The following KCNC2 variants were observed in gnomAD, a reference collection of about 807,000 sequenced individuals.
KCNC2 encodes potassium voltage-gated channel subfamily C member 2, also known as voltage-gated potassium channel KCNC2.
Under a neutral mutation model 44.5 loss-of-function variants are expected in KCNC2, and 21 were observed. The observed-to-expected ratio is 0.47, with a 90% confidence interval of 0.33 to 0.68. KCNC2 has a LOEUF of 0.68. Among genes scored for constraint, KCNC2 ranks in the 30% least tolerant of loss-of-function variants. KCNC2 has a pLI of 0.01. For synonymous variants in KCNC2, 391 were observed against 339.1 expected (o/e 1.15, Z -1.68); for missense variants, 589 against 826.2 (o/e 0.71, Z 3.52).
intron 2 of KCNC2, among the ~76,000 whole-genome samples, chr12:75,084,256 A>G (rs1454096383): frequency 2.0e-5 from 2 of 98,484 alleles, no homozygotes; most frequent in Non-Finnish European, 4.1e-5. Flanking sequence ...GATGATGATG[A>G]TAGATAGATA....
Position 75,042,762 on chromosome 12 carries a change from G to T in KCNC2, c.*343C>A, listed in dbSNP as rs1880055604. 8.7e-7 allele frequency: 1 copy of T among 1,148,556 alleles called. No homozygotes were observed. Among genetic ancestry groups the T allele is most frequent in the African/African-American group, 1.6e-5 (1 of 62,148 alleles). 71.1% of individuals were successfully genotyped at this position (1,148,556 alleles called of 1,614,324 possible). A position where few individuals can be genotyped will look rare whatever the true frequency, so the allele number is the denominator to read the frequency against. On this transcript the variant is annotated 3_prime_UTR_variant, in exon 5 of 5. Coordinates refer to ENST00000549446, the MANE Select transcript of KCNC2 (RefSeq NM_139137.4). ...ACAAGAAATAAAGTTCCAATGAAGT[G>T]GTTGGCATTTGGAAGCACACTGTTT... is the stretch of plus-strand genomic sequence containing the variant.
At chr12:75,050,196 T>C (rs1881012644) in intron 3 of KCNC2, among the ~76,000 whole-genome samples, 194 bp downstream of exon 3, 2 of 151,608 alleles carry the variant, frequency 1.3e-5, no homozygotes, top group African/African-American at 2.4e-5. Context: ...AGCTATGCCA[T>C]CTCCTACTTG....
chr12:75,058,130 TTAAG>T (rs993370931), intron 2 of KCNC2, among the ~76,000 whole-genome samples: 4 of 152,024 alleles, frequency 2.6e-5, no homozygotes, highest in African/African-American at 9.6e-5. Context: ...TTTTGCTTTC[TTAAG>T]TATCATGATG....
chr12:75,158,346 A>G (rs1890896161), intron 2 of KCNC2, among the ~76,000 whole-genome samples: 1 of 151,958 alleles, frequency 6.6e-6, no homozygotes, highest in Non-Finnish European at 1.5e-5. Flanking sequence ...GACAATTTTA[A>G]TAAGAATTAA....
At chr12:75,122,241 A>G (rs1471986631) in intron 2 of KCNC2, among the ~76,000 whole-genome samples, 2 of 152,208 alleles carry the variant, frequency 1.3e-5, no homozygotes, top group African/African-American at 2.4e-5. Context: ...GCTGTTTTGT[A>G]CCAGGCATGA....
chr12:75,132,057 A>C (rs1303703453), intron 2 of KCNC2, among the ~76,000 whole-genome samples: 1 of 152,196 alleles, frequency 6.6e-6, no homozygotes, highest in Non-Finnish European at 1.5e-5. Flanking sequence ...CAAGTTGGTC[A>C]AATTTTACAG....
At chr12:75,049,619 A>G (rs893458506) in intron 3 of KCNC2, among the ~76,000 whole-genome samples, 12 of 152,120 alleles carry the variant, frequency 7.9e-5, no homozygotes, top group African/African-American at 2.9e-4. Flanking sequence ...ATCATTCAAA[A>G]TTCAGTTCTG....
intron 2 of KCNC2, among the ~76,000 whole-genome samples, chr12:75,137,441 TC>T (rs1485640026): frequency 1.2e-4 from 19 of 152,334 alleles, no homozygotes; most frequent in African/African-American, 3.8e-4. Flanking sequence ...ATTTGTGTTT[TC>T]ATCTGTCATA....
At chr12:75,131,157 A>T (rs1888818431) in intron 2 of KCNC2, among the ~76,000 whole-genome samples, 1 of 152,184 alleles carries the variant, frequency 6.6e-6, no homozygotes, top group Non-Finnish European at 1.5e-5. Context: ...TTACAAAGTG[A>T]CTCAAAGCAT....
At chr12:75,163,928 A>G (rs1891282831) in intron 2 of KCNC2, among the ~76,000 whole-genome samples, 1 of 151,690 alleles carries the variant, frequency 6.6e-6, no homozygotes, top group African/African-American at 2.4e-5. Context: ...TTACTGTGAA[A>G]CAAACCCCAG....
chr12:75,167,230 A>T (rs76593584), intron 2 of KCNC2, among the ~76,000 whole-genome samples: 1 of 151,250 alleles, frequency 6.6e-6, no homozygotes, highest in Admixed American at 6.6e-5. Context: ...CATATGGATG[A>T]CCTTTTACTT....
chr12:75,076,335 C>A (rs947496456), intron 2 of KCNC2, among the ~76,000 whole-genome samples: 2 of 101,062 alleles, frequency 2.0e-5, no homozygotes, highest in South Asian at 9.4e-4. Context: ...TGCAGTAGCG[C>A]GATCTCGACT....
chr12:75,140,138 G>C (rs1287865687), intron 2 of KCNC2: 1 of 152,176 alleles, frequency 6.6e-6, no homozygotes, highest in Non-Finnish European at 1.5e-5. Context: ...TGGGCACAGT[G>C]TTCTCACTTA....
intron 2 of KCNC2, among the ~76,000 whole-genome samples, chr12:75,168,708 T>C (rs1267242813): frequency 6.6e-6 from 1 of 151,604 alleles, no homozygotes; most frequent in Non-Finnish European, 1.5e-5. Context: ...AATTTATTTC[T>C]TTGTCAAATT....
intron 2 of KCNC2, among the ~76,000 whole-genome samples, chr12:75,125,546 C>T (rs908627646): frequency 2.6e-5 from 4 of 152,162 alleles, no homozygotes; most frequent in African/African-American, 9.7e-5. Flanking sequence ...TTTGCATATC[C>T]TTATGGAATG....
chr12:75,155,676 C>A (rs948898136), intron 2 of KCNC2, among the ~76,000 whole-genome samples: 1 of 151,264 alleles, frequency 6.6e-6, no homozygotes, highest in Non-Finnish European at 1.5e-5. Flanking sequence ...TACAGGTGGC[C>A]CTAACTAGAG....
chr12:75,103,097 T>C (rs1886503377), intron 2 of KCNC2, among the ~76,000 whole-genome samples: 1 of 152,096 alleles, frequency 6.6e-6, no homozygotes, highest in Non-Finnish European at 1.5e-5. Context: ...TCTAAGAAGG[T>C]GCCGAATTGC....
At position 75,042,636 on chromosome 12, in the gene KCNC2, C is replaced by CAA; in HGVS notation, c.*468_*469insTT. On this transcript the variant is annotated 3_prime_UTR_variant, in exon 5 of 5. Coordinates refer to ENST00000549446, the MANE Select transcript of KCNC2 (RefSeq NM_139137.4). ...TCCCCGAACTCTGCAACATTGCTTT[C>CAA]AGGTGATAGAGACAAGATGGTCCAT... 8.0e-7 allele frequency: 1 copy of CAA among 1,243,632 alleles called. No homozygotes were observed. The highest frequency in any genetic ancestry group is 1.0e-6 in the Non-Finnish European group (1 of 991,316). 77.0% of individuals were successfully genotyped at this position (1,243,632 alleles called of 1,614,324 possible).
Position 75,050,865 on chromosome 12 carries a change from A to G in KCNC2, c.1140T>C (p.Asn380=). Residue 380 remains asparagine (N), a synonymous_variant, in exon 3 of 5, where the codon AAT becomes AAC. Transcript: ENST00000549446. Reference sequence around the variant, plus strand: ...GGAAAATTATCAGCAGCAAAAATTCATTAGTACTAGCTCGAAGAGTATGTC... The same window carrying G: ...GGAAAATTATCAGCAGCAAAAATTCGTTAGTACTAGCTCGAAGAGTATGTC... ...VLGHTLRAST[N]EFLLLIIFLA... is the part of the protein sequence containing the mutation. 6.2e-7 allele frequency: 1 copy of G among 1,613,624 alleles called. No homozygotes were observed. The highest frequency in any genetic ancestry group is 8.5e-7 in the Non-Finnish European group (1 of 1,179,842).
Sources: allele counts gnomAD v4.1 joint callset (sites outside exome capture counted in the v4.1 genomes callset), GRCh38; gene constraint gnomAD v4.1.1; transcripts MANE v1.5; gene names NCBI Gene and HGNC (gene_info 2026-07-23, HGNC 2026-07-21).